The following GALNT13 variants were observed in gnomAD, a reference collection of about 807,000 sequenced individuals.
The protein encoded by GALNT13 is polypeptide N-acetylgalactosaminyltransferase 13, also known as UDP-GalNAc:polypeptide N-acetylgalactosaminyltransferase 13.
Under a neutral mutation model 64.2 loss-of-function variants are expected in GALNT13, and 28 were observed. The observed-to-expected ratio is 0.44, with a 90% confidence interval of 0.32 to 0.60. The LOEUF (loss-of-function observed/expected upper bound fraction) is 0.60, where lower values mean the gene tolerates loss of function less well. Among genes scored for constraint, GALNT13 ranks in the 20% least tolerant of loss-of-function variants. The pLI, the probability that GALNT13 is intolerant of heterozygous loss-of-function variation, is 0.05. For synonymous variants in GALNT13, 214 were observed against 224.6 expected (o/e 0.95, Z 0.42); for missense variants, 577 against 669.8 (o/e 0.86, Z 1.53).
At chr2:153,640,614 T>G in the GALNT13 span, among the ~76,000 whole-genome samples, 5 of 152,026 alleles carry the variant, frequency 3.3e-5, no homozygotes, top group African/African-American at 9.6e-5. Flanking sequence ...CCTAATTTTT[T>G]TCTACAAAAA....
the GALNT13 span, among the ~76,000 whole-genome samples, chr2:153,531,376 T>C: frequency 1.3e-5 from 2 of 152,054 alleles, no homozygotes; most frequent in African/African-American, 2.4e-5. Flanking sequence ...CACACACTTT[T>C]AAACAATTAG....
chr2:153,181,782 T>A, the GALNT13 span, among the ~76,000 whole-genome samples: 1 of 145,812 alleles, frequency 6.9e-6, no homozygotes, highest in South Asian at 2.1e-4. Flanking sequence ...TATAAATTTA[T>A]ATTTATATTA....
intron 3 of GALNT13, among the ~76,000 whole-genome samples, chr2:154,069,696 T>A (rs1700645410): frequency 6.6e-6 from 1 of 152,036 alleles, no homozygotes; most frequent in Non-Finnish European, 1.5e-5. Flanking sequence ...TAAATGACTA[T>A]GGGATTTGCA....
chr2:153,565,624 T>C, the GALNT13 span, among the ~76,000 whole-genome samples: 2 of 152,192 alleles, frequency 1.3e-5, no homozygotes, highest in African/African-American at 4.8e-5. Flanking sequence ...CTCGTAAGTG[T>C]TATAAAGAAA....
chr2:154,049,695 T>G (rs1263928682), intron 3 of GALNT13, among the ~76,000 whole-genome samples: 2 of 151,696 alleles, frequency 1.3e-5, no homozygotes, highest in African/African-American at 4.8e-5. Flanking sequence ...ACTTAATAGT[T>G]ACCACATCAT....
At chr2:154,018,042 CTTCAT>C (rs1262114620) in intron 3 of GALNT13, among the ~76,000 whole-genome samples, 3 of 152,158 alleles carry the variant, frequency 2.0e-5, no homozygotes, top group Non-Finnish European at 2.9e-5. Flanking sequence ...TCACTGTAAT[CTTCAT>C]TGCAATAGAA....
At chr2:153,486,649 A>G in the GALNT13 span, among the ~76,000 whole-genome samples, 1 of 152,210 alleles carries the variant, frequency 6.6e-6, no homozygotes, top group Admixed American at 6.5e-5. Context: ...GGGCCAAAGA[A>G]AGCATGTAAT....
chr2:153,812,105 G>A, the GALNT13 span, among the ~76,000 whole-genome samples: 1 of 152,094 alleles, frequency 6.6e-6, no homozygotes, highest in Non-Finnish European at 1.5e-5. Context: ...AAGGTAACTT[G>A]TATTGTGACT....
chr2:154,260,217 C>A (rs187192732), intron 8 of GALNT13, among the ~76,000 whole-genome samples: 6 of 152,110 alleles, frequency 3.9e-5, no homozygotes, highest in Admixed American at 1.3e-4. Context: ...ATTCCATCTT[C>A]GCCCAAAATA....
chr2:154,004,059 TA>T (rs575867789), intron 3 of GALNT13, among the ~76,000 whole-genome samples: 189 of 152,342 alleles, frequency 1.2e-3, no homozygotes, highest in African/African-American at 4.5e-3. Flanking sequence ...GGACTAATAC[TA>T]ATACCTTTCA....
chr2:153,398,508 A>G, the GALNT13 span, among the ~76,000 whole-genome samples: 1 of 151,924 alleles, frequency 6.6e-6, no homozygotes, highest in Non-Finnish European at 1.5e-5. Context: ...ACTGACTTCC[A>G]CAATGGTTGA....
chr2:153,100,254 C>T, the GALNT13 span, among the ~76,000 whole-genome samples: 1 of 152,150 alleles, frequency 6.6e-6, no homozygotes, highest in Non-Finnish European at 1.5e-5. Flanking sequence ...CAAAAGATGG[C>T]AGAACTTGGC....
the GALNT13 span, among the ~76,000 whole-genome samples, chr2:153,441,046 G>T: frequency 6.6e-6 from 1 of 152,134 alleles, no homozygotes; most frequent in Non-Finnish European, 1.5e-5. Context: ...GAATGGTATT[G>T]CCTAGGTTCT....
the GALNT13 span, among the ~76,000 whole-genome samples, chr2:153,284,593 G>A: frequency 6.6e-6 from 1 of 152,224 alleles, no homozygotes; most frequent in Non-Finnish European, 1.5e-5. Flanking sequence ...TTCAGGACTT[G>A]GGGAAACAGT....
At chr2:153,726,149 A>G in the GALNT13 span, among the ~76,000 whole-genome samples, 1 of 152,172 alleles carries the variant, frequency 6.6e-6, no homozygotes, top group Non-Finnish European at 1.5e-5. Context: ...ACAAATACAC[A>G]TATTCACATG....
chr2:153,689,693 C>A, the GALNT13 span, among the ~76,000 whole-genome samples: 1 of 151,940 alleles, frequency 6.6e-6, no homozygotes, highest in Non-Finnish European at 1.5e-5. Context: ...ATGAAGTCAG[C>A]GATCATACTT....
the GALNT13 span, among the ~76,000 whole-genome samples, chr2:153,662,123 T>A: frequency 6.6e-6 from 1 of 152,158 alleles, no homozygotes; most frequent in East Asian, 1.9e-4. Context: ...TGGTACTTGT[T>A]TTTCATTAAA....
chr2:154,354,242 T>C lies in GALNT13; in HGVS notation c.1157-41749T>C, dbSNP rs534752924. Among the ~76,000 whole-genome samples, 10 of 152,268 alleles carry C rather than the reference T, an allele frequency of 6.6e-5. No homozygotes were observed. The South Asian group carries it at 1.4e-3, about 22-fold the overall frequency. On this transcript the variant is annotated intron_variant, in intron 9 of 12. Transcript: ENST00000392825. Reference sequence around the variant, plus strand: ...TTCAGGTCTTTTGCACATTTTTTAATTGGGTTGTTTTTCTGCTATTGAGTT... The same window carrying C: ...TTCAGGTCTTTTGCACATTTTTTAACTGGGTTGTTTTTCTGCTATTGAGTT...
chr2:153,519,852 G>GTAC, the GALNT13 span, among the ~76,000 whole-genome samples: 4 of 152,210 alleles, frequency 2.6e-5, no homozygotes, highest in African/African-American at 9.6e-5. Flanking sequence ...TTCAAGTTTA[G>GTAC]TATTATTTCT....
Sources: allele counts gnomAD v4.1 joint callset (sites outside exome capture counted in the v4.1 genomes callset), GRCh38; gene constraint gnomAD v4.1.1; transcripts MANE v1.5; gene names NCBI Gene and HGNC (gene_info 2026-07-23, HGNC 2026-07-21).